The following HCN1 variants were observed in gnomAD, a reference collection of about 807,000 sequenced individuals.
The protein encoded by HCN1 is hyperpolarization activated cyclic nucleotide gated potassium channel 1.
A neutral mutation model predicts 78.9 loss-of-function variants in HCN1; 13 were observed. That is an observed-to-expected ratio of 0.16 (90% CI 0.11 to 0.26). The LOEUF is 0.26. Ranked by LOEUF, HCN1 falls within the 10% of genes least tolerant of loss-of-function variation. The pLI is 1.00. For missense variants in HCN1, 810 were observed against 1,154.3 expected (o/e 0.70, Z 4.32); for synonymous variants, 552 against 455.5 (o/e 1.21, Z -2.70).
At chr5:45,461,479 G>T (rs1432888520) in intron 3 of HCN1, among the ~76,000 whole-genome samples, 3 of 152,040 alleles carry the variant, frequency 2.0e-5, no homozygotes, top group Non-Finnish European at 4.4e-5. Context: ...CTTGAACCTA[G>T]TGAAAGCTAA....
chr5:45,302,245 G>T (rs1247834301), intron 6 of HCN1, among the ~76,000 whole-genome samples: 1 of 151,064 alleles, frequency 6.6e-6, no homozygotes, highest in East Asian at 2.0e-4. Context: ...TTCTCATGGT[G>T]GTGAGGGAGT....
At chr5:45,330,290 T>C (rs538876355) in intron 5 of HCN1, among the ~76,000 whole-genome samples, 1 of 151,396 alleles carries the variant, frequency 6.6e-6, no homozygotes, top group African/African-American at 2.4e-5. Flanking sequence ...TTTACACTGT[T>C]GTGCTTTAAG....
Position 45,601,584 on chromosome 5 carries a change from A to G in HCN1, c.849+43601T>C, listed in dbSNP as rs1744626705. On this transcript the variant is annotated intron_variant, in intron 2 of 7. Transcript: ENST00000303230. ...TAAGATGTGTTCCTGTGAGGAAAGC[A>G]CATGATCTTTTGTACACGGACTTTT... Among the ~76,000 whole-genome samples the G allele has an allele frequency of 2.0e-5, 3 of 152,152 alleles. No homozygotes were observed. The South Asian group carries it at 6.2e-4, about 31-fold the overall frequency.
chr5:45,429,237 G>T lies in HCN1; in HGVS notation c.1012-32527C>A, dbSNP rs1333946889. ...CTTCTAGTTATACATTATTGTAAAA[G>T]AAACCAGCCCAAAAGTTAGTGGATT... On this transcript the variant is annotated intron_variant, in intron 3 of 7. Coordinates refer to ENST00000303230, the MANE Select transcript of HCN1 (RefSeq NM_021072.4). Among the ~76,000 whole-genome samples, 4 of 152,138 alleles carry T rather than the reference G, an allele frequency of 2.6e-5. No individual in the cohort carries two copies. In the South Asian group the frequency reaches 8.3e-4, roughly 31 times the overall value.
chr5:45,559,339 A>G (rs1743548281), intron 2 of HCN1: 1 of 152,164 alleles, frequency 6.6e-6, no homozygotes, highest in Non-Finnish European at 1.5e-5. Context: ...GCTGCCATAG[A>G]TAGTGATTCC....
chr5:45,643,568 A>C (rs2112029289), intron 2 of HCN1: 1 of 152,284 alleles, frequency 6.6e-6, no homozygotes, highest in Non-Finnish European at 1.5e-5. Context: ...GAACCTATAT[A>C]GTTTTGCAGT....
chr5:45,420,685 A>G (rs1466255085), intron 3 of HCN1, among the ~76,000 whole-genome samples: 3 of 152,118 alleles, frequency 2.0e-5, no homozygotes, highest in East Asian at 1.9e-4. Context: ...CTCTAACTCA[A>G]AGTAGAACAT....
At chr5:45,446,081 A>G (rs972324552) in intron 3 of HCN1, among the ~76,000 whole-genome samples, 1 of 152,216 alleles carries the variant, frequency 6.6e-6, no homozygotes, top group Admixed American at 6.5e-5. Context: ...CAGATGATCA[A>G]ACTACTCTGA....
chr5:45,514,382 C>T (rs1742479793), intron 2 of HCN1, among the ~76,000 whole-genome samples: 1 of 152,106 alleles, frequency 6.6e-6, no homozygotes, highest in Non-Finnish European at 1.5e-5. Flanking sequence ...CAATATTTCT[C>T]TGCTCTAATC....
intron 6 of HCN1, among the ~76,000 whole-genome samples, chr5:45,276,653 T>C (rs978403345): frequency 3.3e-5 from 5 of 152,136 alleles, no homozygotes; most frequent in African/African-American, 4.8e-5. Flanking sequence ...TTTGTATCCT[T>C]ATCCTGACTG....
chr5:45,658,611 C>A (rs1580026426), intron 1 of HCN1, among the ~76,000 whole-genome samples: 1 of 151,834 alleles, frequency 6.6e-6, no homozygotes, highest in Non-Finnish European at 1.5e-5. Flanking sequence ...CGTGCGCGAG[C>A]CGAAGCAGGG....
chr5:45,286,938 A>T (rs1428169068), intron 6 of HCN1, among the ~76,000 whole-genome samples: 1 of 152,010 alleles, frequency 6.6e-6, no homozygotes, highest in Non-Finnish European at 1.5e-5. Context: ...TCTGACTGAC[A>T]ATTTTATTCT....
chr5:45,412,702 A>G lies in HCN1; in HGVS notation c.1012-15992T>C, dbSNP rs149945913. Among the ~76,000 whole-genome samples the G allele has an allele frequency of 1.2e-4, 19 of 152,170 alleles. No individual in the cohort carries two copies. In the East Asian group the frequency reaches 3.7e-3, roughly 30 times the overall value. ...GTCAGTATTCAAATAGCCTCCTTCC[A>G]TGGCCTGGAGGTTGTATAGTTTGCC... On this transcript the variant is annotated intron_variant, in intron 3 of 7. Transcript: ENST00000303230.
At chr5:45,349,943 G>T (rs1746851298) in intron 5 of HCN1, among the ~76,000 whole-genome samples, 1 of 152,118 alleles carries the variant, frequency 6.6e-6, no homozygotes, top group Non-Finnish European at 1.5e-5. Flanking sequence ...TCCACCAGAG[G>T]TACAAGGAGG....
At chr5:45,303,531 C>G in intron 6 of HCN1, 68 bp downstream of exon 6, 1 of 1,559,144 alleles carries the variant, frequency 6.4e-7, no homozygotes, top group Non-Finnish European at 8.8e-7. Context: ...GCTGACATCT[C>G]CAAAATTCTT....
intron 2 of HCN1, among the ~76,000 whole-genome samples, chr5:45,573,303 T>A (rs763873983): frequency 2.6e-5 from 4 of 152,104 alleles, no homozygotes; most frequent in Non-Finnish European, 5.9e-5. Context: ...AACATCATTA[T>A]GAAAGTCCTC....
At chr5:45,276,249 C>A (rs1386116246) in intron 6 of HCN1, among the ~76,000 whole-genome samples, 1 of 151,982 alleles carries the variant, frequency 6.6e-6, no homozygotes, top group African/African-American at 2.4e-5. Context: ...ATGATAAAAT[C>A]AACATTTAAA....
At chr5:45,657,212 G>A (rs1745783559) in intron 1 of HCN1, among the ~76,000 whole-genome samples, 1 of 152,126 alleles carries the variant, frequency 6.6e-6, no homozygotes, top group Non-Finnish European at 1.5e-5. Flanking sequence ...AAGCAGAACT[G>A]CCAGTATAGT....
chr5:45,279,034 T>C (rs1345202590), intron 6 of HCN1, among the ~76,000 whole-genome samples: 3 of 152,126 alleles, frequency 2.0e-5, no homozygotes, highest in Non-Finnish European at 2.9e-5. Context: ...GTTACATACA[T>C]TTTTTTCCTT....
Sources: allele counts gnomAD v4.1 joint callset (sites outside exome capture counted in the v4.1 genomes callset), GRCh38; gene constraint gnomAD v4.1.1; transcripts MANE v1.5; gene names NCBI Gene and HGNC (gene_info 2026-07-23, HGNC 2026-07-21).